LMF1: variants seen among roughly 807,000 people sequenced by gnomAD.
LMF1 encodes transmembrane protein 112.
LMF1 carries 68 observed loss-of-function variants against 60.6 expected under a neutral mutation model. The ratio of observed to expected loss-of-function variants is 1.12; its 90% CI spans 0.92 to 1.37. The LOEUF (loss-of-function observed/expected upper bound fraction) is 1.37, where lower values mean the gene tolerates loss of function less well. LMF1 is among the 40% of genes most tolerant of loss of function. The probability of loss-of-function intolerance (pLI) is 0.00; values close to 1 mark genes in which losing one functional copy is unlikely to be tolerated. For synonymous variants in LMF1, 418 were observed against 324.7 expected, an observed-to-expected ratio of 1.29 and a Z score of -3.09; for missense variants, 948 against 767.2, an observed-to-expected ratio of 1.24 and a Z score of -2.78.
At chr16:867,795 G>A (rs1299104444) in intron 10 of LMF1, among the ~76,000 whole-genome samples, 2 of 152,084 alleles carry the variant, frequency 1.3e-5, no homozygotes, top group South Asian at 2.1e-4. Context: ...TGTGATACCC[G>A]TGCTGGGGAA....
chr16:898,395 A>G (rs1038300982), intron 4 of LMF1, among the ~76,000 whole-genome samples: 2 of 152,232 alleles, frequency 1.3e-5, no homozygotes, highest in African/African-American at 2.4e-5. Flanking sequence ...TTTCTGACCA[A>G]TGCCAGCCGG....
At chr16:932,950 C>T (rs538485320) in intron 3 of LMF1, among the ~76,000 whole-genome samples, 116 of 152,204 alleles carry the variant, frequency 7.6e-4, no homozygotes, top group Non-Finnish European at 9.3e-4. Context: ...CGCTTCCTCA[C>T]GTCTACTCGC....
intron 1 of LMF1, chr16:980,848 C>G (rs1028895488): frequency 6.6e-6 from 1 of 152,062 alleles, no homozygotes; most frequent in African/African-American, 2.4e-5. Context: ...AGGCTCGGAG[C>G]GGCCTCCGCC....
intron 5 of LMF1, chr16:883,883 T>C (rs755731641): frequency 2.0e-5 from 3 of 152,214 alleles, no homozygotes; most frequent in Non-Finnish European, 2.9e-5. Flanking sequence ...TGCCTATAAA[T>C]GTTAATTAGA....
intron 6 of LMF1, among the ~76,000 whole-genome samples, chr16:876,566 T>C (rs956344788): frequency 6.6e-6 from 1 of 152,194 alleles, no homozygotes; most frequent in African/African-American, 2.4e-5. Context: ...AAGGGAACCT[T>C]TGTAGTCTCT....
intron 3 of LMF1, among the ~76,000 whole-genome samples, chr16:912,523 G>A (rs912826692): frequency 6.6e-6 from 1 of 152,236 alleles, no homozygotes; most frequent in Non-Finnish European, 1.5e-5. Flanking sequence ...TACTGAATAA[G>A]CAGATCGGCG....
intron 10 of LMF1, among the ~76,000 whole-genome samples, chr16:859,037 G>C (rs571279704): frequency 1.1e-5 from 1 of 88,616 alleles, no homozygotes; most frequent in Non-Finnish European, 2.1e-5. Flanking sequence ...ACGGGTGTGA[G>C]TGATGTCACG....
At chr16:898,155 C>T (rs1290406009) in intron 4 of LMF1, among the ~76,000 whole-genome samples, 1 of 152,242 alleles carries the variant, frequency 6.6e-6, no homozygotes, top group South Asian at 2.1e-4. Flanking sequence ...CAAAGCTCTT[C>T]CCTCAGACAC....
intron 3 of LMF1, among the ~76,000 whole-genome samples, chr16:917,147 C>A (rs546582383): frequency 9.6e-4 from 147 of 152,366 alleles, no homozygotes; most frequent in African/African-American, 3.4e-3. Context: ...GGGAACCAGG[C>A]CCAAAGCCAC....
chr16:866,009 ATTTT>A (rs1313239214), intron 10 of LMF1, among the ~76,000 whole-genome samples: 1 of 152,106 alleles, frequency 6.6e-6, no homozygotes, highest in Non-Finnish European at 1.5e-5. Flanking sequence ...CTGAGGCTGT[ATTTT>A]TTATCAGTTG....
At chr16:926,823 G>A (rs527872668) in intron 3 of LMF1, among the ~76,000 whole-genome samples, 2 of 152,158 alleles carry the variant, frequency 1.3e-5, no homozygotes, top group African/African-American at 2.4e-5. Context: ...GCTGCTCCCC[G>A]GGTCCCCATT....
At chr16:856,903 C>A (rs1415641918) in intron 10 of LMF1, among the ~76,000 whole-genome samples, 1 of 152,274 alleles carries the variant, frequency 6.6e-6, no homozygotes, top group Non-Finnish European at 1.5e-5. Context: ...CAGGGCCTGA[C>A]ACTGAGGCCA....
intron 5 of LMF1, chr16:884,945 G>A (rs2070264413): frequency 6.6e-6 from 1 of 152,112 alleles, no homozygotes; most frequent in African/African-American, 2.4e-5. Context: ...GATGTTAGGT[G>A]GAGGGAGAAT....
chr16:869,536 C>T (rs1335091522), intron 9 of LMF1: 1 of 575,206 alleles, frequency 1.7e-6, no homozygotes, highest in Admixed American at 2.2e-5. Flanking sequence ...TCGATCCTTC[C>T]TCCTCCTGCG....
intron 2 of LMF1, among the ~76,000 whole-genome samples, chr16:935,876 C>A (rs902026662): frequency 6.6e-6 from 1 of 151,974 alleles, no homozygotes; most frequent in African/African-American, 2.4e-5. Flanking sequence ...CAGCAAAGGC[C>A]ATGACAAACG....
At chr16:914,507 C>CGACTA (rs2071215338) in intron 3 of LMF1, among the ~76,000 whole-genome samples, 1 of 36,370 alleles carries the variant, frequency 2.7e-5, no homozygotes, top group African/African-American at 9.6e-5. Flanking sequence ...CCCTCCCTCC[C>CGACTA]TTCCATGACC....
intron 6 of LMF1, 171 bp from the exon 7 acceptor site, chr16:871,512 G>A (rs981223045): frequency 3.0e-6 from 2 of 660,650 alleles, no homozygotes. Context: ...CTTCATGGAG[G>A]GGACAGCAGA....
chr16:915,902 C>A (rs1316151069), intron 3 of LMF1, among the ~76,000 whole-genome samples: 2 of 151,870 alleles, frequency 1.3e-5, no homozygotes, highest in Non-Finnish European at 1.5e-5. Context: ...GGGCCTGGGG[C>A]AGGTGAGACT....
intron 6 of LMF1, chr16:872,527 C>A (rs192780740): frequency 6.6e-6 from 1 of 152,300 alleles, no homozygotes; most frequent in Non-Finnish European, 1.5e-5. Flanking sequence ...AAAACAGCCC[C>A]GCCTCGCCCT....
Sources: gnomAD v4.1 joint callset for allele counts (sites outside exome capture counted in the v4.1 genomes callset) on GRCh38, gnomAD v4.1.1 for gene constraint, MANE v1.5 for transcripts, NCBI Gene and HGNC (gene_info 2026-07-23, HGNC 2026-07-21) for gene names.